The following DYSF variants were observed in gnomAD, a reference collection of about 807,000 sequenced individuals.
The protein encoded by DYSF is dysferlin.
A neutral mutation model predicts 274.9 loss-of-function variants in DYSF; 212 were observed. That is an observed-to-expected ratio of 0.77 (90% confidence interval 0.69 to 0.86). DYSF has a LOEUF of 0.86. Ranked by LOEUF, DYSF falls within the 40% of genes least tolerant of loss-of-function variation. DYSF has a pLI of 0.00. For missense variants in DYSF, 2,666 were observed against 2,783.2 expected (o/e 0.96, Z 0.95); for synonymous variants, 1,091 against 1,078.7 (o/e 1.01, Z -0.22).
Position 71,661,116 on chromosome 2 carries a change from CAAAAAAAAAAAAA to C in DYSF, c.5003+474_5003+486del, listed in dbSNP as rs55761719. On this transcript the variant is annotated intron_variant, in intron 45 of 55. Transcript: ENST00000410020. ...TGGGTGACAGAGCAAAACCCTGTCT[CAAAAAAAAAAAAA>C]AAAAAAAAGAAAGAAAAAGTAGAAA... 7.0e-5 allele frequency among the ~76,000 whole-genome samples: 6 copies of C among 85,904 alleles called. No homozygotes were observed. In the East Asian group the frequency reaches 1.4e-3, roughly 20 times the overall value. 56.4% of individuals were successfully genotyped at this position (85,904 alleles called of 152,430 possible).
chr2:71,465,737 ACGGACAGTGC>A (rs2081491315), upstream of DYSF, among the ~76,000 whole-genome samples: 1 of 152,184 alleles, frequency 6.6e-6, no homozygotes, highest in Non-Finnish European at 1.5e-5. Flanking sequence ...CGGTGGGAAG[ACGGACAGTGC>A]CCTGACAGGG....
At chr2:71,478,383 T>C (rs1328361344) in intron 1 of DYSF, among the ~76,000 whole-genome samples, 1 of 151,852 alleles carries the variant, frequency 6.6e-6, no homozygotes, top group Non-Finnish European at 1.5e-5. Context: ...GGCTAATTTT[T>C]TGTATTTTTA....
At chr2:71,483,368 G>A (rs2083092592) in intron 3 of DYSF, among the ~76,000 whole-genome samples, 1 of 152,214 alleles carries the variant, frequency 6.6e-6, no homozygotes, top group African/African-American at 2.4e-5. Context: ...GCAGATCAGG[G>A]AGGGAGCAGC....
chr2:71,650,070 A>G (rs2094629185), intron 42 of DYSF, among the ~76,000 whole-genome samples: 1 of 152,224 alleles, frequency 6.6e-6, no homozygotes, highest in African/African-American at 2.4e-5. Context: ...AAATACTACA[A>G]CATCAATACT....
chr2:71,462,160 G>A (rs980792068), upstream of DYSF, among the ~76,000 whole-genome samples: 2 of 152,218 alleles, frequency 1.3e-5, no homozygotes, highest in African/African-American at 2.4e-5. Flanking sequence ...CCACGCCTGC[G>A]AAGGGCGAGC....
At chr2:71,514,273 G>C (rs958171171) in intron 7 of DYSF, among the ~76,000 whole-genome samples, 4 of 151,998 alleles carry the variant, frequency 2.6e-5, no homozygotes, top group Non-Finnish European at 4.4e-5. Context: ...ATTCAGGTGT[G>C]GTCTGTGTCC....
intron 4 of DYSF, among the ~76,000 whole-genome samples, chr2:71,507,789 C>G (rs972610175): frequency 6.6e-6 from 1 of 152,340 alleles, no homozygotes; most frequent in South Asian, 2.1e-4. Context: ...CGGAGCCCTG[C>G]GCTCACAAGG....
intron 32 of DYSF, among the ~76,000 whole-genome samples, chr2:71,595,104 G>A (rs1333807674): frequency 6.6e-6 from 1 of 152,186 alleles, no homozygotes; most frequent in East Asian, 1.9e-4. Context: ...ATGGGAAAAG[G>A]GTATAAATGG....
intron 40 of DYSF, among the ~76,000 whole-genome samples, chr2:71,617,459 G>C (rs1190173849): frequency 6.6e-6 from 1 of 152,216 alleles, no homozygotes; most frequent in Non-Finnish European, 1.5e-5. Context: ...GGGAGGACAG[G>C]GAGGCTTTCC....
Position 71,602,779 on chromosome 2 carries a change from C to A in DYSF, c.3931C>A (p.Gln1311Lys). The change falls in exon 36 of 56, where the codon CAG becomes AAG. Residue 1311 changes from glutamine (Q) to lysine (K), a missense_variant. By Grantham distance (53) the Gln-to-Lys change is moderately conservative. Transcript: ENST00000410020. ...AIHHIPGFEV[Q>K]ETSRILDESE... ...ACATCCCATGGCTGTGGGCCAGGTG[C>A]AGGAGACATCAAGGATCCTGGATGA... 1 of 1,613,318 alleles carries A rather than the reference C, an allele frequency of 6.2e-7. No individual in the cohort carries two copies. The highest frequency in any genetic ancestry group is 8.5e-7 in the Non-Finnish European group (1 of 1,179,862).
intron 40 of DYSF, among the ~76,000 whole-genome samples, chr2:71,618,473 AGGT>A (rs1439587980): frequency 4.8e-4 from 32 of 67,106 alleles, no homozygotes; most frequent in Non-Finnish European, 7.4e-4. Flanking sequence ...TGTGTGGTAG[AGGT>A]GTGTGTGTGG....
In DYSF at chr2:71,656,372, C is replaced by A. The variant is rs1572995761; in HGVS notation, c.4755+82C>A. Reference sequence around the variant, plus strand: ...AATAAGTGAAGGGGAGGGGTCGTACCTACACTGGTGACCCTGGTGCTGATG... The same window carrying A: ...AATAAGTGAAGGGGAGGGGTCGTACATACACTGGTGACCCTGGTGCTGATG... On this transcript the variant is annotated intron_variant, in intron 43 of 55. Coordinates refer to ENST00000410020, the MANE Select transcript of DYSF (RefSeq NM_001130987.2). The A allele has an allele frequency of 5.7e-6, 9 of 1,591,396 alleles. No homozygotes were observed. The East Asian group carries it at 1.6e-4, about 28-fold the overall frequency.
intron 40 of DYSF, among the ~76,000 whole-genome samples, chr2:71,620,259 C>T (rs2094062573): frequency 6.6e-6 from 1 of 152,176 alleles, no homozygotes; most frequent in Non-Finnish European, 1.5e-5. Flanking sequence ...TTGCCTTGTG[C>T]TGGGCGTGCA....
At chr2:71,612,956 C>T (rs2093799982) in intron 39 of DYSF, 150 bp downstream of exon 39, 3 of 1,096,774 alleles carry the variant, frequency 2.7e-6, no homozygotes, top group Non-Finnish European at 2.6e-6. Flanking sequence ...AGGGTGGAGA[C>T]CTTCCTTAGG....
chr2:71,601,494 T>A lies in DYSF; in HGVS notation c.3898-5T>A. 6.2e-7 allele frequency: 1 copy of A among 1,614,160 alleles called. No homozygotes were observed. The highest frequency in any genetic ancestry group is 8.5e-7 in the Non-Finnish European group (1 of 1,180,026). On this transcript the variant is annotated splice_region_variant and splice_polypyrimidine_tract_variant and intron_variant, in intron 34 of 55. Coordinates refer to ENST00000410020, the MANE Select transcript of DYSF (RefSeq NM_001130987.2). ...ATGACCAGAGCTCTCTTTTCTTCAC[T>A]CCAGCCGGCCATCCACCATATTCCT...
chr2:71,569,753 G>C lies in DYSF; in HGVS notation c.2865-67G>C, dbSNP rs750151750. On this transcript the variant is annotated intron_variant, in intron 26 of 55. Transcript: ENST00000410020. ...TGACATACGCAGGGGTGCTCTCCAG[G>C]AGGTGGTAGATGGATGGGGGCCTCT... 5 of 1,372,634 alleles carry C rather than the reference G, an allele frequency of 3.6e-6. No homozygotes were observed. The African/African-American group carries it at 7.1e-5, about 20-fold the overall frequency. 85.0% of individuals were successfully genotyped at this position (1,372,634 alleles called of 1,614,324 possible). A position where few individuals can be genotyped will look rare whatever the true frequency, so the allele number is the denominator to read the frequency against.
chr2:71,485,062 C>T (rs1297394296), intron 3 of DYSF, among the ~76,000 whole-genome samples: 1 of 152,270 alleles, frequency 6.6e-6, no homozygotes, highest in African/African-American at 2.4e-5. Flanking sequence ...TCACCAACCT[C>T]ACCCGTTTAC....
intron 30 of DYSF, among the ~76,000 whole-genome samples, chr2:71,581,237 C>T (rs767259422): frequency 1.3e-5 from 2 of 152,268 alleles, no homozygotes; most frequent in South Asian, 2.1e-4. Flanking sequence ...CCAGCCCACA[C>T]GTGGCATCGT....
chr2:71,609,749 C>CGCTGCACAGGAGTGTG (rs1339400640), intron 36 of DYSF, among the ~76,000 whole-genome samples: 1 of 152,158 alleles, frequency 6.6e-6, no homozygotes, highest in Non-Finnish European at 1.5e-5. Flanking sequence ...ATCAGGGTGT[C>CGCTGCACAGGAGTGTG]GCTGCACAGG....
Sources: allele counts gnomAD v4.1 joint callset (sites outside exome capture counted in the v4.1 genomes callset), GRCh38; gene constraint gnomAD v4.1.1; transcripts MANE v1.5; gene names NCBI Gene and HGNC (gene_info 2026-07-23, HGNC 2026-07-21).